The following EVI5 variants were observed in gnomAD, a reference collection of about 807,000 sequenced individuals.
EVI5 encodes the protein ecotropic viral integration site 5 protein homolog.
A neutral mutation model predicts 112.0 loss-of-function variants in EVI5; 73 were observed. That is an observed-to-expected ratio of 0.65 (90% confidence interval 0.54 to 0.79). The LOEUF (loss-of-function observed/expected upper bound fraction) is 0.79, where lower values mean the gene tolerates loss of function less well. Among genes scored for constraint, EVI5 ranks in the 30% least tolerant of loss-of-function variants. The pLI is 0.00. For synonymous variants in EVI5, 305 were observed against 319.9 expected, an observed-to-expected ratio of 0.95 and a Z score of 0.50; for missense variants, 900 against 968.8, an observed-to-expected ratio of 0.93 and a Z score of 0.94.
chr1:92,715,491 T>C (rs943104329), intron 2 of EVI5, among the ~76,000 whole-genome samples: 2 of 152,140 alleles, frequency 1.3e-5, no homozygotes. Context: ...AGGAGGCGTG[T>C]TCCAAGATGG....
chr1:92,567,027 G>C (rs927896892), intron 18 of EVI5, among the ~76,000 whole-genome samples: 2 of 151,906 alleles, frequency 1.3e-5, no homozygotes, highest in Non-Finnish European at 2.9e-5. Flanking sequence ...GTCTGGTCTT[G>C]AACTCCTGGC....
intron 13 of EVI5, among the ~76,000 whole-genome samples, chr1:92,660,043 A>C (rs116670682): frequency 0.024 from 3,626 of 152,126 alleles, 62 homozygotes; most frequent in Non-Finnish European, 0.036. Context: ...ATGGACATAG[A>C]GCATAGAATA....
intron 9 of EVI5, among the ~76,000 whole-genome samples, chr1:92,685,792 T>C (rs1361775716): frequency 6.6e-6 from 1 of 151,750 alleles, no homozygotes; most frequent in Non-Finnish European, 1.5e-5. Flanking sequence ...AACTAGAAAA[T>C]CTAGAAGAAA....
chr1:92,636,228 G>C lies in EVI5; in HGVS notation c.1501C>G (p.Gln501Glu), dbSNP rs1212795682. 2 of 1,613,176 alleles carry C rather than the reference G, an allele frequency of 1.2e-6. No homozygotes were observed. The highest frequency in any genetic ancestry group is 1.7e-6 in the Non-Finnish European group (2 of 1,179,508). Residue 501 changes from glutamine to glutamate, a missense_variant, in exon 14 of 20, where the codon CAG becomes GAG. By Grantham distance (29) the Gln-to-Glu change is conservative. Transcript: ENST00000684568. ...AESQCALKEM[Q>E]DKVLDIEKRN... is the part of the protein sequence containing the mutation. ...TTCTCTATATCCAAGACTTTATCCT[G>C]CATCTCTTTTAATGCACACTGAGAC...
chr1:92,782,662 T>G (rs774985342), intron 1 of EVI5, among the ~76,000 whole-genome samples: 1 of 152,116 alleles, frequency 6.6e-6, no homozygotes, highest in African/African-American at 2.4e-5. Flanking sequence ...TAGAACCACT[T>G]TGGGAAAATG....
intron 14 of EVI5, 69 bp from the exon 15 acceptor site, chr1:92,626,003 T>G: frequency 1.1e-6 from 1 of 928,066 alleles, no homozygotes; most frequent in African/African-American, 1.7e-5. Context: ...ACACAACAGC[T>G]ATTGTGTTCC....
chr1:92,681,518 T>C (rs917486960), intron 9 of EVI5, among the ~76,000 whole-genome samples: 4 of 152,204 alleles, frequency 2.6e-5, no homozygotes, highest in Non-Finnish European at 5.9e-5. Context: ...AACTGTCATG[T>C]AGTAAGGGAA....
intron 1 of EVI5, among the ~76,000 whole-genome samples, chr1:92,781,453 C>T (rs928214204): frequency 1.3e-5 from 2 of 150,628 alleles, no homozygotes; most frequent in African/African-American, 4.9e-5. Context: ...GCGGAGGTTG[C>T]AGTGTTCTGA....
At chr1:92,684,262 A>G (rs1182873515) in intron 9 of EVI5, among the ~76,000 whole-genome samples, 3 of 152,224 alleles carry the variant, frequency 2.0e-5, no homozygotes, top group African/African-American at 7.2e-5. Context: ...ATTCTTAAAG[A>G]AAAGAATTTT....
At chr1:92,561,563 C>T (rs1232972639) in intron 19 of EVI5, among the ~76,000 whole-genome samples, 1 of 142,830 alleles carries the variant, frequency 7.0e-6, no homozygotes, top group Non-Finnish European at 1.5e-5. Flanking sequence ...GACTATCTAT[C>T]TATCTATCTA....
chr1:92,739,965 A>C (rs1157982612), intron 1 of EVI5, among the ~76,000 whole-genome samples: 1 of 119,658 alleles, frequency 8.4e-6, no homozygotes, highest in Non-Finnish European at 1.8e-5. Context: ...GTCAAAAGTC[A>C]AGTTACCTTT....
chr1:92,700,210 A>G (rs1376357120), intron 5 of EVI5, among the ~76,000 whole-genome samples: 1 of 152,220 alleles, frequency 6.6e-6, no homozygotes, highest in Non-Finnish European at 1.5e-5. Context: ...TGTGACTCTG[A>G]GCTGATAAGA....
intron 18 of EVI5, among the ~76,000 whole-genome samples, chr1:92,595,375 C>A (rs9659774): frequency 6.6e-6 from 1 of 150,924 alleles, no homozygotes; most frequent in South Asian, 2.1e-4. Flanking sequence ...TGAGAACACA[C>A]GGACACAGGA....
chr1:92,572,540 A>G (rs1670463827), intron 18 of EVI5, among the ~76,000 whole-genome samples: 1 of 152,112 alleles, frequency 6.6e-6, no homozygotes, highest in Non-Finnish European at 1.5e-5. Context: ...TCCCCCAAAG[A>G]TTACTTTAGA....
At chr1:92,778,319 TA>T (rs145761395) in intron 1 of EVI5, among the ~76,000 whole-genome samples, 2,254 of 152,202 alleles carry the variant, frequency 0.015, 64 homozygotes, top group African/African-American at 0.05. Context: ...GAAGGGGGAC[TA>T]AAAGAAAGGA....
intron 18 of EVI5, among the ~76,000 whole-genome samples, chr1:92,584,573 A>C (rs941232603): frequency 6.6e-6 from 1 of 152,228 alleles, no homozygotes; most frequent in Non-Finnish European, 1.5e-5. Context: ...TGCCAAAAGA[A>C]AAATTAATCA....
At chr1:92,671,975 A>G (rs964584639) in intron 10 of EVI5, among the ~76,000 whole-genome samples, 1 of 151,656 alleles carries the variant, frequency 6.6e-6, no homozygotes, top group Admixed American at 6.6e-5. Flanking sequence ...GCAATTTGAA[A>G]AAAAAAATTT....
intron 19 of EVI5, among the ~76,000 whole-genome samples, chr1:92,552,834 T>C (rs1383108320): frequency 2.0e-5 from 3 of 152,146 alleles, no homozygotes; most frequent in African/African-American, 7.2e-5. Context: ...ACCTGATTTT[T>C]AATTGCGATT....
intron 19 of EVI5, among the ~76,000 whole-genome samples, chr1:92,536,341 T>C (rs924700836): frequency 4.6e-5 from 7 of 152,118 alleles, no homozygotes; most frequent in African/African-American, 1.7e-4. Context: ...GAATAAAGCA[T>C]AAAAATGCAG....
Sources: gnomAD v4.1 joint callset for allele counts (sites outside exome capture counted in the v4.1 genomes callset) on GRCh38, gnomAD v4.1.1 for gene constraint, MANE v1.5 for transcripts, NCBI Gene and HGNC (gene_info 2026-07-23, HGNC 2026-07-21) for gene names.